The following TUBA1C variants were observed in gnomAD, a reference collection of about 807,000 sequenced individuals.
The protein encoded by TUBA1C is tubulin alpha 1c.
In TUBA1C, 16 loss-of-function variants were observed where a neutral mutation model predicts 34.9. The ratio of observed to expected loss-of-function variants is 0.46; its 90% confidence interval spans 0.31 to 0.70. The LOEUF is 0.70. Among genes scored for constraint, TUBA1C ranks in the 30% least tolerant of loss-of-function variants. The pLI is 0.05. For synonymous variants in TUBA1C, 177 were observed against 215.9 expected (o/e 0.82, Z 1.58); for missense variants, 329 against 587.3 (o/e 0.56, Z 4.55).
intron 1 of TUBA1C, among the ~76,000 whole-genome samples, chr12:49,259,548 A>G (rs1268999326): frequency 6.6e-6 from 1 of 152,182 alleles, no homozygotes; most frequent in Non-Finnish European, 1.5e-5. Context: ...TCTAGTTACA[A>G]TCGCCTAAGT....
chr12:49,271,416 TG>T (rs1942990166), intron 3 of TUBA1C, among the ~76,000 whole-genome samples: 1 of 152,198 alleles, frequency 6.6e-6, no homozygotes, highest in African/African-American at 2.4e-5. Flanking sequence ...GAATTGTGGT[TG>T]TGTCACTTTA....
upstream of TUBA1C, among the ~76,000 whole-genome samples, chr12:49,264,001 A>G (rs1298615990): frequency 1.3e-5 from 2 of 152,048 alleles, no homozygotes; most frequent in African/African-American, 4.8e-5. Context: ...CGGGCGGATC[A>G]CGAGGTCAAG....
At chr12:49,231,153 C>A (rs1412303860) in intron 1 of TUBA1C, among the ~76,000 whole-genome samples, 1 of 152,210 alleles carries the variant, frequency 6.6e-6, no homozygotes, top group East Asian at 1.9e-4. Flanking sequence ...TTCCATTAGT[C>A]CATCATTATT....
At chr12:49,265,945 C>T (rs1228120095) in intron 1 of TUBA1C, among the ~76,000 whole-genome samples, 3 of 140,932 alleles carry the variant, frequency 2.1e-5, no homozygotes, top group Admixed American at 1.4e-4. Context: ...TGGTGAAACC[C>T]CGTCTCTACT....
At chr12:49,264,809 TTCCTC>T (rs1942879189), upstream of TUBA1C, 1 of 90,160 alleles carries the variant, frequency 1.1e-5, no homozygotes, top group Non-Finnish European at 2.1e-5. Flanking sequence ...CTTCCTCCCC[TTCCTC>T]CCCTTCCTCC....
At position 49,273,563 on chromosome 12, in the gene TUBA1C, T is replaced by A. The variant is rs1370077138; in HGVS notation, c.*336T>A. ...ACACCACCATGCCCAGCTATTTTTATTTCTTGTAGAGATGGGGCCTTGCTA... is the reference window on the plus strand; with the variant it reads ...ACACCACCATGCCCAGCTATTTTTAATTCTTGTAGAGATGGGGCCTTGCTA... On this transcript the variant is annotated 3_prime_UTR_variant, in exon 4 of 4. Transcript: ENST00000301072. 1 of 375,926 alleles carries A rather than the reference T, an allele frequency of 2.7e-6. No individual in the cohort carries two copies. The highest frequency in any genetic ancestry group is 2.1e-5 in the African/African-American group (1 of 48,032). The allele number at this position is 375,926 out of a possible 1,614,324, so 23.3% of individuals were successfully genotyped here.
At chr12:49,265,911 T>TTG in intron 1 of TUBA1C, among the ~76,000 whole-genome samples, 2 of 148,958 alleles carry the variant, frequency 1.3e-5, no homozygotes, top group African/African-American at 2.5e-5. Flanking sequence ...TCCCAGCACT[T>TTG]GTTCGAGACA....
At position 49,271,541 on chromosome 12, in the gene TUBA1C, G is replaced by C. The variant is rs111832030; in HGVS notation, c.376-712G>C. ...GTACTTACTTAATTCTCAACCTAAG[G>C]TGATTACTATTCTCACTTAATCAGT... On this transcript the variant is annotated intron_variant, in intron 3 of 3. Coordinates refer to ENST00000301072, the MANE Select transcript of TUBA1C (RefSeq NM_032704.5). 3.5e-4 allele frequency among the ~76,000 whole-genome samples: 53 copies of C among 152,290 alleles called. 1 individual carries two copies. The highest frequency in any genetic ancestry group is 1.2e-3 in the African/African-American group (51 of 41,562).
At chr12:49,243,357 G>A (rs1942637042) in intron 1 of TUBA1C, among the ~76,000 whole-genome samples, 1 of 151,970 alleles carries the variant, frequency 6.6e-6, no homozygotes, top group Non-Finnish European at 1.5e-5. Context: ...GGGAGAATTG[G>A]TTGAATCTGG....
chr12:49,252,925 C>G (rs1942745455), intron 1 of TUBA1C, among the ~76,000 whole-genome samples: 1 of 148,684 alleles, frequency 6.7e-6, no homozygotes, highest in Non-Finnish European at 1.5e-5. Flanking sequence ...AAAACAGAAA[C>G]AAAAACAAAA....
intron 1 of TUBA1C, among the ~76,000 whole-genome samples, chr12:49,242,842 T>A (rs1942631209): frequency 6.6e-6 from 1 of 151,976 alleles, no homozygotes; most frequent in Non-Finnish European, 1.5e-5. Context: ...CTTACTCTGT[T>A]GCCCAAGCTG....
In TUBA1C at chr12:49,274,452, A is replaced by C. The variant is rs1719686652; in HGVS notation, c.*1225A>C. 1 of 150,882 alleles carries C rather than the reference A, an allele frequency of 6.6e-6. No homozygotes were observed. Among genetic ancestry groups the C allele is most frequent in the Non-Finnish European group, 1.5e-5 (1 of 67,824 alleles). 9.3% of individuals were successfully genotyped at this position (150,882 alleles called of 1,614,324 possible). The stretch of plus-strand genomic sequence containing the variant: ...TGGCCCCTAGATACGTTTTTTAATA[A>C]CCTCCCAAATGATGCTGTTGGTCTG... On this transcript the variant is annotated 3_prime_UTR_variant, in exon 4 of 4. Transcript: ENST00000301072.
Position 49,269,649 on chromosome 12 carries a change from C to A in TUBA1C, c.188C>A (p.Pro63His). ...GAAACGGGTGCTGGCAAGCATGTGCCCCGGGCAGTGTTTGTAGACTTGGAA... is the reference window on the plus strand; with the variant it reads ...GAAACGGGTGCTGGCAAGCATGTGCACCGGGCAGTGTTTGTAGACTTGGAA... ...FSETGAGKHV[P>H]RAVFVDLEPT... Residue 63 changes from proline (P) to histidine (H), a missense_variant, in exon 2 of 4, where the codon CCC becomes CAC. Transcript: ENST00000301072. The A allele has an allele frequency of 6.2e-7, 1 of 1,614,150 alleles. No homozygotes were observed. Among genetic ancestry groups the A allele is most frequent in the Non-Finnish European group, 8.5e-7 (1 of 1,180,036 alleles).
chr12:49,266,690 A>T (rs1942918724), intron 1 of TUBA1C, among the ~76,000 whole-genome samples: 1 of 151,878 alleles, frequency 6.6e-6, no homozygotes, highest in Non-Finnish European at 1.5e-5. Context: ...CTATACTAAA[A>T]ATACAAAAAT....
exon 1 of TUBA1C, chr12:49,228,149 C>G: frequency 1.3e-6 from 2 of 1,535,686 alleles, no homozygotes; most frequent in Non-Finnish European, 1.7e-6. Flanking sequence ...CAGAGGAGAA[C>G]CTGGCTGTGA....
At chr12:49,228,194 A>T in intron 1 of TUBA1C, 1 of 1,532,828 alleles carries the variant, frequency 6.5e-7, no homozygotes, top group South Asian at 1.2e-5. Context: ...ATGTAATGTA[A>T]ATAGCTTCAT....
intron 1 of TUBA1C, among the ~76,000 whole-genome samples, chr12:49,232,144 G>T (rs575969328): frequency 6.6e-6 from 1 of 152,264 alleles, no homozygotes; most frequent in South Asian, 2.1e-4. Context: ...GGACACAACA[G>T]GAGTGGATAT....
chr12:49,267,894 A>C (rs187451655), intron 1 of TUBA1C, among the ~76,000 whole-genome samples: 244 of 152,346 alleles, frequency 1.6e-3, no homozygotes, highest in African/African-American at 5.5e-3. Flanking sequence ...GCCAGTCTCC[A>C]AAGTGGCTAA....
intron 1 of TUBA1C, among the ~76,000 whole-genome samples, chr12:49,236,807 C>T (rs1228341478): frequency 6.6e-6 from 1 of 152,148 alleles, no homozygotes; most frequent in African/African-American, 2.4e-5. Flanking sequence ...GCAATTATAA[C>T]ACCATGATAA....
Sources: gnomAD v4.1 joint callset for allele counts (sites outside exome capture counted in the v4.1 genomes callset) on GRCh38, gnomAD v4.1.1 for gene constraint, MANE v1.5 for transcripts, NCBI Gene and HGNC (gene_info 2026-07-23, HGNC 2026-07-21) for gene names.